D2HGDH: variants seen among roughly 807,000 people sequenced by gnomAD.
The protein encoded by D2HGDH is D-2-hydroxyglutarate dehydrogenase, also known as D-2-hydroxyglutarate dehydrogenase, mitochondrial.
In D2HGDH, 31 loss-of-function variants were observed where a neutral mutation model predicts 46.9. The ratio of observed to expected loss-of-function variants is 0.66; its 90% CI spans 0.50 to 0.89. The LOEUF is 0.89. Ranked by LOEUF, D2HGDH falls within the 40% of genes least tolerant of loss-of-function variation. D2HGDH has a pLI of 0.00. For synonymous variants in D2HGDH, 364 were observed against 332.6 expected (o/e 1.09, Z -1.03); for missense variants, 698 against 720.8 (o/e 0.97, Z 0.36).
At chr2:241,740,684 T>A (rs4073892) in intron 2 of D2HGDH, among the ~76,000 whole-genome samples, 6 of 152,184 alleles carry the variant, frequency 3.9e-5, no homozygotes, top group Non-Finnish European at 8.8e-5. Context: ...TGGTGGCTCA[T>A]GCCTGTAATC....
intron 9 of D2HGDH, 52 bp downstream of exon 9, chr2:241,756,066 A>G (rs572735511): frequency 1.3e-6 from 2 of 1,549,338 alleles, no homozygotes; most frequent in East Asian, 4.6e-5. Context: ...GGTGGGCCCC[A>G]CGGTCACCGT....
intron 7 of D2HGDH, among the ~76,000 whole-genome samples, chr2:241,750,872 C>T (rs1388345148): frequency 1.3e-5 from 2 of 152,170 alleles, no homozygotes; most frequent in Non-Finnish European, 2.9e-5. Flanking sequence ...ATTCTCCTGC[C>T]TCAGCCTCCT....
At position 241,750,306 on chromosome 2, in the gene D2HGDH, CCA is replaced by C; in HGVS notation, c.997+17_997+18del. 6.2e-7 allele frequency: 1 copy of C among 1,611,430 alleles called. No homozygotes were observed. Among genetic ancestry groups the C allele is most frequent in the Non-Finnish European group, 8.5e-7 (1 of 1,179,898 alleles). ...CAGCCCGGTGCAAGGTACTGACCCC[CCA>C]CACAGGGGGCAGCTGGTCCTGCAGC... On this transcript the variant is annotated intron_variant, in intron 7 of 9. Coordinates refer to ENST00000321264, the MANE Select transcript of D2HGDH (RefSeq NM_152783.5).
intron 9 of D2HGDH, among the ~76,000 whole-genome samples, chr2:241,764,845 C>T (rs368969658): frequency 1.3e-5 from 2 of 152,214 alleles, no homozygotes; most frequent in Non-Finnish European, 2.9e-5. Flanking sequence ...CCTGCTGGCC[C>T]GGAGGTGGGG....
chr2:241,742,715 G>A lies in D2HGDH; in HGVS notation c.490+141G>A, dbSNP rs1482406698. The A allele has an allele frequency of 2.7e-6, 3 of 1,098,306 alleles. No individual in the cohort carries two copies. In the African/African-American group the frequency reaches 4.7e-5, roughly 17 times the overall value. 68.0% of individuals were successfully genotyped at this position (1,098,306 alleles called of 1,614,324 possible). On this transcript the variant is annotated intron_variant, in intron 4 of 9. Coordinates refer to ENST00000321264, the MANE Select transcript of D2HGDH (RefSeq NM_152783.5). The surrounding 1 kb of genome is among the most constrained non-coding windows in gnomAD (Gnocchi z 4.8). ...GCTGGGGAAAGAACCAGCGTCTGTA[G>A]CCTGGCCGCCTAGCCCCACCTCGCC...
intron 9 of D2HGDH, among the ~76,000 whole-genome samples, 174 bp downstream of exon 9, chr2:241,756,188 C>G (rs905187466): frequency 6.6e-6 from 1 of 152,242 alleles, no homozygotes; most frequent in Non-Finnish European, 1.5e-5. Context: ...AAATCCTAAT[C>G]GTTGTCATGA....
At chr2:241,749,341 G>C (rs1696683940) in intron 6 of D2HGDH, 10 of 1,288,230 alleles carry the variant, frequency 7.8e-6, no homozygotes, top group Non-Finnish European at 9.1e-6. Flanking sequence ...CTTCTCTCTG[G>C]AAAATTCTTC....
chr2:241,750,400 GGCGGGT>G, intron 7 of D2HGDH, 106 bp downstream of exon 7: 6 of 1,113,526 alleles, frequency 5.4e-6, no homozygotes, highest in South Asian at 1.4e-5. Context: ...TGCCCGGGCG[GGCGGGT>G]GGGGGGTCCC....
At position 241,768,186 on chromosome 2, in the gene D2HGDH, G is replaced by A. The variant is rs1699307872; in HGVS notation, c.*217G>A. 2.8e-6 allele frequency: 2 copies of A among 716,898 alleles called. No individual in the cohort carries two copies. Among genetic ancestry groups the A allele is most frequent in the Non-Finnish European group, 4.5e-6 (2 of 447,052 alleles). The allele number at this position is 716,898 out of a possible 1,614,324, so 44.4% of individuals were successfully genotyped here. On this transcript the variant is annotated 3_prime_UTR_variant, in exon 10 of 10. Transcript: ENST00000321264. ...GCGTGGCAGGCACCCTCCTTTGCAG[G>A]GCGAGGTGGGGCCTCTGCAGCCATC...
chr2:241,739,513 G>A (rs1291779427), intron 2 of D2HGDH, among the ~76,000 whole-genome samples: 2 of 152,258 alleles, frequency 1.3e-5, no homozygotes, highest in Admixed American at 6.5e-5. Context: ...GAAAAGCAAG[G>A]TGGACACCAC....
Position 241,739,591 on chromosome 2 carries a change from G to A in D2HGDH, c.293-1442G>A, listed in dbSNP as rs181639690. Among the ~76,000 whole-genome samples the A allele has an allele frequency of 5.9e-3, 905 of 152,362 alleles. 4 individuals carry two copies. The highest frequency in any genetic ancestry group is 0.011 in the Non-Finnish European group (722 of 68,044). On this transcript the variant is annotated intron_variant, in intron 2 of 9. Transcript: ENST00000321264. ...TGACTGCACCTGCTGCCTCTCTGCAGCCCCCATCACCTGGGAAAGTCGTCT... is the reference window on the plus strand; with the variant it reads ...TGACTGCACCTGCTGCCTCTCTGCAACCCCCATCACCTGGGAAAGTCGTCT...
intron 6 of D2HGDH, among the ~76,000 whole-genome samples, chr2:241,746,602 A>C (rs1018631152): frequency 2.0e-5 from 3 of 152,076 alleles, no homozygotes; most frequent in African/African-American, 7.2e-5. Flanking sequence ...AAAAGTACAA[A>C]AATTAGGCTG....
intron 8 of D2HGDH, 48 bp downstream of exon 8, chr2:241,751,436 C>T: frequency 1.9e-6 from 3 of 1,608,562 alleles, no homozygotes; most frequent in Middle Eastern, 2.0e-4. Context: ...CCGTCCAGTC[C>T]AGCCTTGTCT....
In D2HGDH at chr2:241,742,249, G is replaced by A. The variant is rs571766163; in HGVS notation, c.351-186G>A. Among the ~76,000 whole-genome samples the A allele has an allele frequency of 6.6e-6, 1 of 152,178 alleles. No individual in the cohort carries two copies. Among genetic ancestry groups the A allele is most frequent in the African/African-American group, 2.4e-5 (1 of 41,440 alleles). On this transcript the variant is annotated intron_variant, in intron 3 of 9. Coordinates refer to ENST00000321264, the MANE Select transcript of D2HGDH (RefSeq NM_152783.5). This position sits in a 1 kb window ranked among gnomAD's most constrained non-coding sequence, Gnocchi z 4.8. ...TTCCGTCTCCCTGTGCACAGCTTTCGGATTGGCCTCTGTCCTTCCTCAGAA... is the reference window on the plus strand; with the variant it reads ...TTCCGTCTCCCTGTGCACAGCTTTCAGATTGGCCTCTGTCCTTCCTCAGAA...
chr2:241,757,097 C>T (rs1025882697), intron 9 of D2HGDH, among the ~76,000 whole-genome samples: 2 of 152,178 alleles, frequency 1.3e-5, no homozygotes, highest in Non-Finnish European at 2.9e-5. Flanking sequence ...ACGAAGGTCC[C>T]GTGCTGTCCC....
At chr2:241,750,128 T>C (rs1233477916) in intron 6 of D2HGDH, 23 bp from the exon 7 acceptor site, 10 of 1,613,610 alleles carry the variant, frequency 6.2e-6, no homozygotes, top group Non-Finnish European at 1.7e-6. Flanking sequence ...GTGTGGTGCT[T>C]GACATGCTGT....
chr2:241,752,860 T>A (rs1352631430), intron 8 of D2HGDH, among the ~76,000 whole-genome samples: 10 of 29,828 alleles, frequency 3.4e-4, no homozygotes, highest in African/African-American at 1.3e-3. Context: ...ACCCCCAACC[T>A]CTCTACCAGC....
intron 2 of D2HGDH, among the ~76,000 whole-genome samples, chr2:241,737,341 A>G (rs1053114013): frequency 6.6e-6 from 1 of 152,206 alleles, no homozygotes; most frequent in Non-Finnish European, 1.5e-5. Flanking sequence ...TTTGGAGCCC[A>G]TTAGGTAAGA....
chr2:241,755,806 G>A (rs373792401), intron 8 of D2HGDH, 43 bp from the exon 9 acceptor site: 111 of 1,610,266 alleles, frequency 6.9e-5, no homozygotes, highest in Admixed American at 3.5e-4. Flanking sequence ...CCCGGGTGTC[G>A]TTCCCATAGC....
Sources: gnomAD v4.1 joint callset for allele counts (sites outside exome capture counted in the v4.1 genomes callset) on GRCh38, gnomAD v4.1.1 for gene constraint, Gnocchi (gnomAD v3.1) non-coding constraint, MANE v1.5 for transcripts, NCBI Gene and HGNC (gene_info 2026-07-23, HGNC 2026-07-21) for gene names.